Variants in ATL2 observed in about 807,000 individuals in gnomAD.
ATL2 encodes the protein atlastin GTPase 2.
A neutral mutation model predicts 73.9 loss-of-function variants in ATL2; 31 were observed. The observed-to-expected ratio is 0.42, with a 90% CI of 0.32 to 0.57. ATL2 has a LOEUF of 0.57. Among genes scored for constraint, ATL2 ranks in the 20% least tolerant of loss-of-function variants. ATL2 has a pLI of 0.14. For missense variants in ATL2, 738 were observed against 702.6 expected, an observed-to-expected ratio of 1.05 and a Z score of -0.57; for synonymous variants, 291 against 237.5, an observed-to-expected ratio of 1.23 and a Z score of -2.07.
intron 2 of ATL2, among the ~76,000 whole-genome samples, chr2:38,342,596 G>C (rs991900210): frequency 2.6e-5 from 4 of 152,174 alleles, no homozygotes; most frequent in Admixed American, 6.5e-5. Context: ...AAAGGTAATA[G>C]TCACTAAAAC....
At chr2:38,349,820 T>C (rs1670239781) in intron 1 of ATL2, among the ~76,000 whole-genome samples, 6 of 152,176 alleles carry the variant, frequency 3.9e-5, no homozygotes, top group Admixed American at 3.9e-4. Flanking sequence ...ATAGACAGAA[T>C]GTGTCTACAT....
At chr2:38,343,713 G>C (rs1011592192) in intron 1 of ATL2, among the ~76,000 whole-genome samples, 3 of 152,046 alleles carry the variant, frequency 2.0e-5, no homozygotes, top group Non-Finnish European at 4.4e-5. Flanking sequence ...GATATGGTTG[G>C]CTGTGTCCCC....
intron 1 of ATL2, among the ~76,000 whole-genome samples, chr2:38,352,365 T>C (rs77908311): frequency 0.017 from 2,657 of 152,160 alleles, 52 homozygotes; most frequent in East Asian, 0.058. Flanking sequence ...TTTCAAGCAA[T>C]GGACAACAAG....
At chr2:38,336,574 G>T (rs1475875171) in intron 2 of ATL2, among the ~76,000 whole-genome samples, 1 of 152,138 alleles carries the variant, frequency 6.6e-6, no homozygotes, top group Non-Finnish European at 1.5e-5. Context: ...TTTAGTGTAG[G>T]TATATCCTAT....
At chr2:38,357,158 T>C (rs529330913) in intron 1 of ATL2, among the ~76,000 whole-genome samples, 26 of 152,074 alleles carry the variant, frequency 1.7e-4, no homozygotes, top group African/African-American at 6.3e-4. Context: ...TGAAACCCTG[T>C]CTCTACTAAA....
intron 12 of ATL2, chr2:38,296,515 GTC>G: frequency 6.2e-7 from 1 of 1,613,944 alleles, no homozygotes; most frequent in African/African-American, 1.3e-5. Context: ...TTGGATGACA[GTC>G]TCTGTCGCTG....
chr2:38,368,815 G>A (rs909542864), intron 1 of ATL2, among the ~76,000 whole-genome samples: 24 of 152,164 alleles, frequency 1.6e-4, no homozygotes, highest in Non-Finnish European at 3.4e-4. Flanking sequence ...TCAGAGCTGG[G>A]CACAGTAACT....
chr2:38,307,175 T>C (rs1281215863), intron 9 of ATL2, among the ~76,000 whole-genome samples: 1 of 151,974 alleles, frequency 6.6e-6, no homozygotes, highest in South Asian at 2.1e-4. Context: ...CTGGCCAACA[T>C]GGTGAAACCC....
chr2:38,356,989 G>A (rs111536393), intron 1 of ATL2, among the ~76,000 whole-genome samples: 6,511 of 152,152 alleles, frequency 0.043, 463 homozygotes, highest in African/African-American at 0.15. Context: ...CTGTAAACTG[G>A]AGTACCTTGT....
intron 2 of ATL2, among the ~76,000 whole-genome samples, chr2:38,326,200 C>A (rs997089376): frequency 6.6e-6 from 1 of 152,164 alleles, no homozygotes; most frequent in African/African-American, 2.4e-5. Context: ...AAAAAAGCTG[C>A]AAGACACAGA....
chr2:38,343,201 A>AT lies in ATL2; in HGVS notation c.363+66dup, dbSNP rs1051813802. On this transcript the variant is annotated intron_variant, in intron 2 of 12. Coordinates refer to ENST00000378954, the MANE Select transcript of ATL2 (RefSeq NM_001135673.4). ...AAAGATATAGTTCTGGTTTTTGTCT[A>AT]TTTTTTTAACAGGCATGGTTGGTAC... The AT allele has an allele frequency of 5.1e-5, 29 of 563,840 alleles. 1 individual carries two copies. Among genetic ancestry groups the AT allele is most frequent in the South Asian group, 3.3e-4 (15 of 45,372 alleles). 34.9% of individuals were successfully genotyped at this position (563,840 alleles called of 1,614,324 possible).
At chr2:38,307,183 C>A (rs1053301919) in intron 9 of ATL2, among the ~76,000 whole-genome samples, 2 of 152,018 alleles carry the variant, frequency 1.3e-5, no homozygotes, top group African/African-American at 4.8e-5. Flanking sequence ...CATGGTGAAA[C>A]CCTGTCTCTA....
Position 38,316,671 on chromosome 2 carries a change from C to G in ATL2, c.604-1337G>C, listed in dbSNP as rs1668040932. ...GCATTATCTCATTTAGCTCTCATTT[C>G]TGACTGCACACAACAACCACATCCA... On this transcript the variant is annotated intron_variant, in intron 4 of 12. Coordinates refer to ENST00000378954, the MANE Select transcript of ATL2 (RefSeq NM_001135673.4). Among the ~76,000 whole-genome samples, 3 of 152,244 alleles carry G rather than the reference C, an allele frequency of 2.0e-5. No individual in the cohort carries two copies. In the South Asian group the frequency reaches 6.2e-4, roughly 32 times the overall value.
intron 1 of ATL2, among the ~76,000 whole-genome samples, chr2:38,347,457 G>GC: frequency 6.6e-6 from 1 of 152,122 alleles, no homozygotes; most frequent in Non-Finnish European, 1.5e-5. Flanking sequence ...TATCTCCTCA[G>GC]CATGGCCCTC....
intron 1 of ATL2, among the ~76,000 whole-genome samples, chr2:38,366,637 C>T (rs1353297381): frequency 1.3e-5 from 2 of 152,220 alleles, no homozygotes; most frequent in Non-Finnish European, 2.9e-5. Flanking sequence ...AACTCTAGCA[C>T]ACGGCAATTT....
At chr2:38,302,638 G>T (rs1289880131) in intron 9 of ATL2, among the ~76,000 whole-genome samples, 1 of 152,152 alleles carries the variant, frequency 6.6e-6, no homozygotes, top group African/African-American at 2.4e-5. Context: ...CATTTGTTTG[G>T]GAGAATGTAA....
intron 4 of ATL2, among the ~76,000 whole-genome samples, chr2:38,315,781 C>T (rs1246467039): frequency 2.0e-5 from 3 of 152,120 alleles, no homozygotes; most frequent in East Asian, 3.8e-4. Flanking sequence ...TATACAGTTA[C>T]TCAGGGGTAC....
chr2:38,354,141 G>A (rs775103443), intron 1 of ATL2: 40 of 418,614 alleles, frequency 9.6e-5, no homozygotes, highest in South Asian at 4.8e-4. Flanking sequence ...AGCGAAGATC[G>A]TGCCACTGCA....
intron 1 of ATL2, among the ~76,000 whole-genome samples, chr2:38,343,787 G>A (rs1450686915): frequency 6.6e-6 from 1 of 152,100 alleles, no homozygotes; most frequent in Non-Finnish European, 1.5e-5. Flanking sequence ...GGACCCAGTG[G>A]GAGGTAACTG....
Sources: allele counts gnomAD v4.1 joint callset (sites outside exome capture counted in the v4.1 genomes callset), GRCh38; gene constraint gnomAD v4.1.1; transcripts MANE v1.5; gene names NCBI Gene and HGNC (gene_info 2026-07-23, HGNC 2026-07-21).